Variants in SDK1 observed in about 807,000 individuals in gnomAD.
The protein encoded by SDK1 is sidekick cell adhesion molecule 1, also known as protein sidekick-1.
In SDK1, 157 loss-of-function variants were observed where a neutral mutation model predicts 245.5. That is an observed-to-expected ratio of 0.64 (90% CI 0.56 to 0.73). SDK1 has a LOEUF of 0.73. Ranked by LOEUF, SDK1 falls within the 30% of genes least tolerant of loss-of-function variation. The pLI is 0.00. For synonymous variants in SDK1, 1,647 were observed against 1,278.5 expected, an observed-to-expected ratio of 1.29 and a Z score of -6.15; for missense variants, 3,583 against 3,002.3, an observed-to-expected ratio of 1.19 and a Z score of -4.52.
In SDK1 at chr7:3,700,788, C is replaced by T. The variant is rs115386271; in HGVS notation, c.713+58683C>T. Among the ~76,000 whole-genome samples, 388 of 152,306 alleles carry T rather than the reference C, an allele frequency of 2.5e-3. 1 individual carries two copies. Among genetic ancestry groups the T allele is most frequent in the African/African-American group, 9.1e-3 (377 of 41,556 alleles). On this transcript the variant is annotated intron_variant, in intron 4 of 44. Coordinates refer to ENST00000404826, the MANE Select transcript of SDK1 (RefSeq NM_152744.4). ...AAGTCGATTCATCTATACTTTTGCA[C>T]TTTTTGTTCTTTCTTCTTTCCTTCC...
At chr7:4,046,015 C>T (rs2128164491) in intron 17 of SDK1, among the ~76,000 whole-genome samples, 2 of 151,986 alleles carry the variant, frequency 1.3e-5, no homozygotes, top group African/African-American at 4.8e-5. Context: ...GGCAGCCTCA[C>T]ACTCCTGGGG....
intron 20 of SDK1, 40 bp downstream of exon 20, chr7:4,067,976 T>G: frequency 6.9e-7 from 1 of 1,458,120 alleles, no homozygotes; most frequent in African/African-American, 1.4e-5. Flanking sequence ...AAGATAAGTT[T>G]GTCCTCACAA....
chr7:3,800,195 C>G (rs1463790227), intron 4 of SDK1, among the ~76,000 whole-genome samples: 2 of 152,028 alleles, frequency 1.3e-5, no homozygotes, highest in African/African-American at 4.8e-5. Flanking sequence ...TGGGGGAACA[C>G]AAAACTTCCA....
intron 22 of SDK1, among the ~76,000 whole-genome samples, chr7:4,083,184 G>T (rs1367496879): frequency 6.6e-6 from 1 of 152,050 alleles, no homozygotes; most frequent in Non-Finnish European, 1.5e-5. Flanking sequence ...ACACACACCT[G>T]GGAAGCTGTG....
chr7:3,475,744 A>G (rs17133406), intron 1 of SDK1, among the ~76,000 whole-genome samples: 15,562 of 152,232 alleles, frequency 0.1, 1,063 homozygotes, highest in African/African-American at 0.19. Flanking sequence ...TTGACTCAAA[A>G]GAATGAAGTA....
intron 32 of SDK1, among the ~76,000 whole-genome samples, chr7:4,169,986 C>T (rs959358825): frequency 6.6e-6 from 1 of 152,232 alleles, no homozygotes; most frequent in African/African-American, 2.4e-5. Context: ...ACTCTGTCTC[C>T]TCTTTCTGAA....
chr7:3,680,512 C>A (rs1311931508), intron 4 of SDK1, among the ~76,000 whole-genome samples: 1 of 152,082 alleles, frequency 6.6e-6, no homozygotes, highest in African/African-American at 2.4e-5. Context: ...GGGTGTTGTT[C>A]CAATGACTAT....
intron 11 of SDK1, among the ~76,000 whole-genome samples, chr7:3,970,850 C>T (rs906705297): frequency 1.3e-5 from 2 of 152,116 alleles, no homozygotes; most frequent in African/African-American, 2.4e-5. Context: ...CTTGTGACTC[C>T]GAAGTTCTGG....
chr7:3,312,816 A>G (rs945016421), intron 1 of SDK1, among the ~76,000 whole-genome samples: 7 of 152,164 alleles, frequency 4.6e-5, no homozygotes, highest in African/African-American at 1.4e-4. Context: ...GAGAGACACT[A>G]TTAGAAGATA....
At chr7:3,566,214 T>G (rs1279960975) in intron 1 of SDK1, among the ~76,000 whole-genome samples, 3 of 149,106 alleles carry the variant, frequency 2.0e-5, no homozygotes, top group Non-Finnish European at 4.4e-5. Flanking sequence ...GGGAACTTGA[T>G]AAACTTCTTC....
At chr7:3,920,871 A>G (rs1435071932) in intron 5 of SDK1, among the ~76,000 whole-genome samples, 3 of 152,206 alleles carry the variant, frequency 2.0e-5, no homozygotes, top group African/African-American at 4.8e-5. Flanking sequence ...TGAGTGCTGA[A>G]GAAGGCGTTT....
chr7:4,232,559 C>T (rs1237102988), intron 40 of SDK1, among the ~76,000 whole-genome samples: 1 of 151,958 alleles, frequency 6.6e-6, no homozygotes, highest in Non-Finnish European at 1.5e-5. Flanking sequence ...ACCTCCCAGG[C>T]TCAAGCAATC....
intron 1 of SDK1, among the ~76,000 whole-genome samples, chr7:3,597,103 T>C (rs925732087): frequency 6.6e-6 from 1 of 151,952 alleles, no homozygotes; most frequent in Non-Finnish European, 1.5e-5. Flanking sequence ...ACCCTGTCTC[T>C]ACTAAAAATA....
chr7:3,884,027 A>C (rs987963805), intron 5 of SDK1, among the ~76,000 whole-genome samples: 1 of 151,502 alleles, frequency 6.6e-6, no homozygotes, highest in African/African-American at 2.4e-5. Flanking sequence ...ACACAATGTC[A>C]TTCTAAGTGA....
chr7:3,367,019 C>T (rs1269891419), intron 1 of SDK1, among the ~76,000 whole-genome samples: 4 of 152,254 alleles, frequency 2.6e-5, no homozygotes, highest in South Asian at 2.1e-4. Flanking sequence ...GGATTACAGG[C>T]GTGAGCTACC....
At chr7:3,657,043 G>T (rs374807557) in intron 4 of SDK1, among the ~76,000 whole-genome samples, 9 of 152,126 alleles carry the variant, frequency 5.9e-5, no homozygotes, top group African/African-American at 1.9e-4. Context: ...CACCGCGCCC[G>T]GCCTTGGTGG....
intron 1 of SDK1, among the ~76,000 whole-genome samples, chr7:3,352,668 G>A (rs1780691172): frequency 2.0e-5 from 3 of 152,028 alleles, no homozygotes; most frequent in African/African-American, 7.2e-5. Context: ...ACTGTTTGGG[G>A]TTTTACCATT....
intron 40 of SDK1, among the ~76,000 whole-genome samples, chr7:4,224,756 G>A (rs1267524060): frequency 1.3e-5 from 2 of 151,912 alleles, no homozygotes; most frequent in African/African-American, 4.8e-5. Flanking sequence ...CGAGGTGGGC[G>A]GATCACTTGA....
intron 1 of SDK1, among the ~76,000 whole-genome samples, chr7:3,332,773 C>G (rs1372538807): frequency 6.6e-6 from 1 of 152,162 alleles, no homozygotes; most frequent in African/African-American, 2.4e-5. Flanking sequence ...CAGATAACTT[C>G]TTTTCCCCCC....
Sources: gnomAD v4.1 joint callset for allele counts (sites outside exome capture counted in the v4.1 genomes callset) on GRCh38, gnomAD v4.1.1 for gene constraint, MANE v1.5 for transcripts, NCBI Gene and HGNC (gene_info 2026-07-23, HGNC 2026-07-21) for gene names.